SMOC2: variants seen among roughly 807,000 people sequenced by gnomAD.
SMOC2 encodes SPARC related modular calcium binding 2.
SMOC2 carries 39 observed loss-of-function variants against 61.4 expected under a neutral mutation model. The observed-to-expected ratio is 0.64, with a 90% CI of 0.49 to 0.83. SMOC2 has a LOEUF of 0.83. Ranked by LOEUF, SMOC2 falls within the 40% of genes least tolerant of loss-of-function variation. The probability of loss-of-function intolerance (pLI) is 0.00; values close to 1 mark genes in which losing one functional copy is unlikely to be tolerated. For missense variants in SMOC2, 556 were observed against 592.9 expected, an observed-to-expected ratio of 0.94 and a Z score of 0.65; for synonymous variants, 247 against 239.9, an observed-to-expected ratio of 1.03 and a Z score of -0.27.
chr6:168,525,339 T>A (rs1355385510), intron 2 of SMOC2, among the ~76,000 whole-genome samples: 2 of 152,166 alleles, frequency 1.3e-5, no homozygotes, highest in Non-Finnish European at 2.9e-5. Flanking sequence ...GCTCACAGCT[T>A]TCACTCCCTG....
At chr6:168,636,163 A>G (rs187217847) in intron 9 of SMOC2, among the ~76,000 whole-genome samples, 94 of 152,298 alleles carry the variant, frequency 6.2e-4, no homozygotes, top group Middle Eastern at 3.4e-3. Flanking sequence ...TTTTCAACCC[A>G]GTATGTGATT....
rs182470239 is a variant in SMOC2, at chr6:168,472,529, G to A, written c.84+31075G>A. 5.9e-5 allele frequency among the ~76,000 whole-genome samples: 9 copies of A among 152,138 alleles called. No individual in the cohort carries two copies. In the East Asian group the frequency reaches 1.7e-3, roughly 29 times the overall value. On this transcript the variant is annotated intron_variant, in intron 1 of 12. Coordinates refer to ENST00000356284, the MANE Select transcript of SMOC2 (RefSeq NM_001166412.2). Reference sequence around the variant, plus strand: ...TAAAAGACATTTTTTAAAAAGTATTGGAGATTGTAGGATGGGCAGCAGACT... The same window carrying A: ...TAAAAGACATTTTTTAAAAAGTATTAGAGATTGTAGGATGGGCAGCAGACT...
rs377665790 is a variant in SMOC2 at position 168,476,857 on chromosome 6, T to C, written c.85-33058T>C. Reference sequence around the variant, plus strand: ...ACACTTCAAGGGATTTTAATACATATTATAGAATTAGCGTTTCTGCATGTA... The same window carrying C: ...ACACTTCAAGGGATTTTAATACATACTATAGAATTAGCGTTTCTGCATGTA... On this transcript the variant is annotated intron_variant, in intron 1 of 12. Coordinates refer to ENST00000356284, the MANE Select transcript of SMOC2 (RefSeq NM_001166412.2). 1.1e-4 allele frequency among the ~76,000 whole-genome samples: 16 copies of C among 152,180 alleles called. No individual in the cohort carries two copies. The East Asian group carries it at 2.5e-3, about 24-fold the overall frequency.
intron 9 of SMOC2, among the ~76,000 whole-genome samples, chr6:168,633,375 AG>A (rs1786621329): frequency 6.6e-6 from 1 of 152,136 alleles, no homozygotes; most frequent in African/African-American, 2.4e-5. Context: ...GATATGCGGG[AG>A]GGGAGCCCAG....
At position 168,553,994 on chromosome 6, in the gene SMOC2, A is replaced by G. The variant is rs559051462; in HGVS notation, c.637+4791A>G. 6.8e-6 allele frequency among the ~76,000 whole-genome samples: 1 copy of G among 147,808 alleles called. No homozygotes were observed. On this transcript the variant is annotated intron_variant, in intron 7 of 12. Transcript: ENST00000356284. The surrounding 1 kb of genome is among the most constrained non-coding windows in gnomAD (Gnocchi z 4.2). ...CACGTTTTGGTAGGAAGATTATTCC[A>G]TGGGACGAGTCGGTTAAAACTCGCG...
chr6:168,612,002 C>T (rs1281504817), intron 9 of SMOC2, among the ~76,000 whole-genome samples: 7 of 152,190 alleles, frequency 4.6e-5, no homozygotes, highest in African/African-American at 1.7e-4. Context: ...TCCATGTTCC[C>T]GGCATCCGCG....
At chr6:168,642,783 T>G (rs1786925410) in intron 9 of SMOC2, among the ~76,000 whole-genome samples, 1 of 152,218 alleles carries the variant, frequency 6.6e-6, no homozygotes, top group African/African-American at 2.4e-5. Flanking sequence ...GAAACTTTCC[T>G]AACACGATAC....
intron 1 of SMOC2, among the ~76,000 whole-genome samples, chr6:168,493,225 C>T (rs1171635432): frequency 4.6e-5 from 7 of 152,016 alleles, no homozygotes; most frequent in Non-Finnish European, 7.4e-5. Flanking sequence ...TTAGTAGAGA[C>T]GAGGTTCCAC....
intron 7 of SMOC2, among the ~76,000 whole-genome samples, chr6:168,585,955 T>G (rs1785039224): frequency 6.6e-6 from 1 of 152,232 alleles, no homozygotes; most frequent in South Asian, 2.1e-4. Flanking sequence ...TGCCTTTTCG[T>G]TTTCTTAATG....
chr6:168,565,064 G>A (rs1197099499), intron 7 of SMOC2, among the ~76,000 whole-genome samples: 4 of 152,158 alleles, frequency 2.6e-5, no homozygotes, highest in Non-Finnish European at 2.9e-5. Context: ...TTTGTATACC[G>A]AAAATTATTC....
chr6:168,534,687 G>A (rs1783693086), intron 4 of SMOC2, among the ~76,000 whole-genome samples: 1 of 152,216 alleles, frequency 6.6e-6, no homozygotes, highest in Non-Finnish European at 1.5e-5. Flanking sequence ...ACTTTCTGGT[G>A]TCTAATGCTT....
At chr6:168,645,861 G>A (rs1787017121) in intron 9 of SMOC2, among the ~76,000 whole-genome samples, 6 of 152,334 alleles carry the variant, frequency 3.9e-5, no homozygotes, top group Non-Finnish European at 7.3e-5. Context: ...GCGAATTGGA[G>A]CACAGGCTGA....
Position 168,510,063 on chromosome 6 carries a change from T to C in SMOC2, c.233T>C (p.Ile78Thr), listed in dbSNP as rs981811478. ...AAGTGCAAAGATCCCCAGCTAGAGA[T>C]TGCATATCGAGGAAACTGCAAAGGT... ...RAKCKDPQLEIAYRGNCKDVS... is the reference protein window; with the variant it reads ...RAKCKDPQLETAYRGNCKDVS... Residue 78 changes from isoleucine to threonine, a missense_variant, in exon 2 of 13, where the codon ATT (isoleucine) becomes ACT (threonine). Coordinates refer to ENST00000356284, the MANE Select transcript of SMOC2 (RefSeq NM_001166412.2). 3 of 1,613,990 alleles carry C rather than the reference T, an allele frequency of 1.9e-6. No individual in the cohort carries two copies. The highest frequency in any genetic ancestry group is 1.3e-5 in the African/African-American group (1 of 74,914).
chr6:168,521,540 G>A (rs1377279480), intron 2 of SMOC2, among the ~76,000 whole-genome samples: 1 of 152,144 alleles, frequency 6.6e-6, no homozygotes, highest in African/African-American at 2.4e-5. Context: ...TCATCCAACA[G>A]GTAGAAATAA....
At chr6:168,517,622 G>A (rs1219068899) in intron 2 of SMOC2, among the ~76,000 whole-genome samples, 3 of 152,232 alleles carry the variant, frequency 2.0e-5, no homozygotes, top group Admixed American at 6.5e-5. Context: ...AGGCCTCCCC[G>A]TGGGGCTCCG....
intron 7 of SMOC2, among the ~76,000 whole-genome samples, chr6:168,588,512 C>T (rs565312664): frequency 6.6e-6 from 1 of 152,144 alleles, no homozygotes; most frequent in Non-Finnish European, 1.5e-5. Context: ...CAAGGCCCCA[C>T]CCCCAAATGC....
chr6:168,575,933 GCACC>G (rs1379272656), intron 7 of SMOC2, among the ~76,000 whole-genome samples: 2 of 151,406 alleles, frequency 1.3e-5, no homozygotes, highest in Non-Finnish European at 2.9e-5. Context: ...GAAGGCCAGT[GCACC>G]CCTGCCTGTC....
chr6:168,488,715 G>A (rs1465765664), intron 1 of SMOC2, among the ~76,000 whole-genome samples: 2 of 147,768 alleles, frequency 1.4e-5, no homozygotes, highest in Admixed American at 6.7e-5. Context: ...AGTTTTAGAA[G>A]GAAATATATC....
intron 8 of SMOC2, among the ~76,000 whole-genome samples, chr6:168,605,168 C>T (rs1257483136): frequency 6.6e-6 from 1 of 152,152 alleles, no homozygotes; most frequent in Non-Finnish European, 1.5e-5. Context: ...GCTGATGAAG[C>T]CTTTGTCTGT....
Sources: allele counts gnomAD v4.1 joint callset (sites outside exome capture counted in the v4.1 genomes callset), GRCh38; gene constraint gnomAD v4.1.1; non-coding constraint Gnocchi (gnomAD v3.1); transcripts MANE v1.5; gene names NCBI Gene and HGNC (gene_info 2026-07-23, HGNC 2026-07-21).